Variants in GALNT10 observed in about 807,000 individuals in gnomAD.
GALNT10 encodes polypeptide N-acetylgalactosaminyltransferase 10, also known as GalNAc transferase 10.
Under a neutral mutation model 75.0 loss-of-function variants are expected in GALNT10, and 41 were observed. That is an observed-to-expected ratio of 0.55 (90% CI 0.43 to 0.71). The LOEUF (loss-of-function observed/expected upper bound fraction) is 0.71. Ranked by LOEUF, GALNT10 falls within the 30% of genes least tolerant of loss-of-function variation. The probability of loss-of-function intolerance (pLI) is 0.00; values close to 1 mark genes in which losing one functional copy is unlikely to be tolerated. For missense variants in GALNT10, 727 were observed against 818.5 expected (o/e 0.89, Z 1.36); for synonymous variants, 302 against 313.0 (o/e 0.96, Z 0.37).
At chr5:154,286,448 T>A (rs1754113689) in intron 1 of GALNT10, among the ~76,000 whole-genome samples, 1 of 151,520 alleles carries the variant, frequency 6.6e-6, no homozygotes, top group Non-Finnish European at 1.5e-5. Flanking sequence ...AGTGTTGAAA[T>A]TGTTCTTTTA....
At chr5:154,283,301 GCC>G (rs1754067310) in intron 1 of GALNT10, among the ~76,000 whole-genome samples, 1 of 86,544 alleles carries the variant, frequency 1.2e-5, no homozygotes, top group East Asian at 7.6e-4. Flanking sequence ...AAAAAAAAAA[GCC>G]AGGTGTGGTG....
chr5:154,406,913 CAGAT>C (rs1756293896), intron 8 of GALNT10, among the ~76,000 whole-genome samples: 1 of 152,072 alleles, frequency 6.6e-6, no homozygotes, highest in Non-Finnish European at 1.5e-5. Context: ...CCGAGAGAGC[CAGAT>C]AGAGAGAGAA....
intron 1 of GALNT10, chr5:154,218,175 C>G (rs1752913179): frequency 1.0e-6 from 1 of 978,656 alleles, no homozygotes. Context: ...TCTAACAAGC[C>G]TGGGGCACCT....
At chr5:154,271,087 CA>C (rs1416408975) in intron 1 of GALNT10, among the ~76,000 whole-genome samples, 1 of 150,602 alleles carries the variant, frequency 6.6e-6, no homozygotes, top group Non-Finnish European at 1.5e-5. Context: ...ATAAAGTGGA[CA>C]AGTAGTATGT....
intron 1 of GALNT10, chr5:154,218,148 A>G: frequency 1.0e-6 from 1 of 984,972 alleles, no homozygotes; most frequent in Non-Finnish European, 1.2e-6. Context: ...GGGCATTTTC[A>G]GGTGGGGATG....
intron 1 of GALNT10, among the ~76,000 whole-genome samples, chr5:154,237,746 G>A (rs919149685): frequency 6.6e-6 from 1 of 152,168 alleles, no homozygotes; most frequent in Non-Finnish European, 1.5e-5. Context: ...TGCGTAGATG[G>A]GGGTTATGGG....
At chr5:154,273,677 A>G (rs1181557226) in intron 1 of GALNT10, among the ~76,000 whole-genome samples, 3 of 152,076 alleles carry the variant, frequency 2.0e-5, no homozygotes, top group Non-Finnish European at 4.4e-5. Flanking sequence ...GTAGGGAGAA[A>G]TTTTTATTTT....
At chr5:154,277,841 ATTC>A (rs988540638) in intron 1 of GALNT10, among the ~76,000 whole-genome samples, 32 of 152,316 alleles carry the variant, frequency 2.1e-4, no homozygotes, top group African/African-American at 7.7e-4. Flanking sequence ...TCCCAGAACC[ATTC>A]TTCTGGCTTC....
Position 154,242,687 on chromosome 5 carries a change from G to A in GALNT10, c.159+51662G>A, listed in dbSNP as rs557056609. Among the ~76,000 whole-genome samples, 6 of 152,288 alleles carry A rather than the reference G, an allele frequency of 3.9e-5. No individual in the cohort carries two copies. The South Asian group carries it at 1.2e-3, about 32-fold the overall frequency. On this transcript the variant is annotated intron_variant, in intron 1 of 11. Transcript: ENST00000297107. ...GCCCAAGCACTCAGAGCCCTCCTCT[G>A]TGTGACAGTATTGTCCTGGCTCAGC... is the stretch of plus-strand genomic sequence containing the variant.
chr5:154,248,849 C>T (rs767462086), intron 1 of GALNT10, among the ~76,000 whole-genome samples: 14 of 152,160 alleles, frequency 9.2e-5, no homozygotes, highest in Non-Finnish European at 1.8e-4. Flanking sequence ...TTCTTTCATG[C>T]TGGTCATATA....
intron 1 of GALNT10, among the ~76,000 whole-genome samples, chr5:154,286,621 A>G (rs1754116177): frequency 6.6e-6 from 1 of 152,136 alleles, no homozygotes; most frequent in Non-Finnish European, 1.5e-5. Context: ...ACACCAAACA[A>G]AGGAATTGGA....
At chr5:154,207,877 G>A (rs149313076) in intron 1 of GALNT10, among the ~76,000 whole-genome samples, 6 of 152,304 alleles carry the variant, frequency 3.9e-5, no homozygotes, top group East Asian at 1.9e-4. Flanking sequence ...TCCCAGGAGC[G>A]TGAAGGGTGT....
intron 1 of GALNT10, among the ~76,000 whole-genome samples, chr5:154,268,800 A>C (rs1241809608): frequency 6.6e-6 from 1 of 152,190 alleles, no homozygotes; most frequent in African/African-American, 2.4e-5. Context: ...AGGAAGAGGA[A>C]ATGGATTTCT....
intron 4 of GALNT10, chr5:154,347,080 C>T (rs777391127): frequency 6.3e-6 from 3 of 473,078 alleles, no homozygotes; most frequent in South Asian, 1.6e-5. Flanking sequence ...TATATGAGAA[C>T]AGTAATAAAT....
chr5:154,303,513 G>A (rs1454033497), intron 3 of GALNT10, among the ~76,000 whole-genome samples: 1 of 152,172 alleles, frequency 6.6e-6, no homozygotes, highest in Non-Finnish European at 1.5e-5. Context: ...AAGGGCTTTA[G>A]GGAACAGTGC....
intron 8 of GALNT10, among the ~76,000 whole-genome samples, chr5:154,405,868 TTGC>T (rs2113214710): frequency 9.3e-6 from 1 of 107,650 alleles, no homozygotes; most frequent in South Asian, 3.0e-4. Context: ...GTTGTTGTTG[TTGC>T]TGTTGTTTTT....
chr5:154,230,037 A>G (rs1292025187), intron 1 of GALNT10, among the ~76,000 whole-genome samples: 1 of 124,388 alleles, frequency 8.0e-6, no homozygotes, highest in African/African-American at 2.6e-5. Context: ...TCTTCAGTCC[A>G]GTGGGAAAAA....
chr5:154,277,243 T>C (rs1334980590), intron 1 of GALNT10, among the ~76,000 whole-genome samples: 1 of 151,836 alleles, frequency 6.6e-6, no homozygotes, highest in Non-Finnish European at 1.5e-5. Context: ...ATTACCTCAG[T>C]TCTTCTCCAC....
intron 7 of GALNT10, among the ~76,000 whole-genome samples, chr5:154,398,925 G>A (rs1756102415): frequency 6.6e-6 from 1 of 152,206 alleles, no homozygotes; most frequent in South Asian, 2.1e-4. Flanking sequence ...CAGGCGCTCT[G>A]TAATTTCAGG....
Sources: gnomAD v4.1 joint callset for allele counts (sites outside exome capture counted in the v4.1 genomes callset) on GRCh38, gnomAD v4.1.1 for gene constraint, MANE v1.5 for transcripts, NCBI Gene and HGNC (gene_info 2026-07-23, HGNC 2026-07-21) for gene names.